The following CRYL1 variants were observed in gnomAD, a reference collection of about 807,000 sequenced individuals.
CRYL1 encodes the protein lambda-crystallin homolog.
Under a neutral mutation model 36.6 loss-of-function variants are expected in CRYL1, and 29 were observed. That is an observed-to-expected ratio of 0.79 (90% confidence interval 0.59 to 1.08). The LOEUF (loss-of-function observed/expected upper bound fraction) is 1.08. Among genes scored for constraint, CRYL1 ranks in the 50% least tolerant of loss-of-function variants. The pLI is 0.00. For missense variants in CRYL1, 411 were observed against 407.9 expected (o/e 1.01, Z -0.06); for synonymous variants, 152 against 151.5 (o/e 1.00, Z -0.02).
At position 20,449,456 on chromosome 13, in the gene CRYL1, A is replaced by T. The variant is rs565998492; in HGVS notation, c.277-9702T>A. 3.9e-5 allele frequency among the ~76,000 whole-genome samples: 6 copies of T among 152,340 alleles called. No individual in the cohort carries two copies. The East Asian group carries it at 1.2e-3, about 29-fold the overall frequency. ...AATAGAACCATAAAAATGTTCCATTAACACAAAAGCAGAAAAAAGAAATAA... is the reference window on the plus strand; with the variant it reads ...AATAGAACCATAAAAATGTTCCATTTACACAAAAGCAGAAAAAAGAAATAA... On this transcript the variant is annotated intron_variant, in intron 3 of 7. Coordinates refer to ENST00000298248, the MANE Select transcript of CRYL1 (RefSeq NM_015974.3).
intron 1 of CRYL1, among the ~76,000 whole-genome samples, chr13:20,524,241 TGCGCGTGCGC>T (rs763421803): frequency 1.5e-4 from 23 of 152,354 alleles, no homozygotes; most frequent in Non-Finnish European, 2.9e-4. Context: ...TGTGTGTGTG[TGCGCGTGCGC>T]GCACGCATGC....
intron 5 of CRYL1, among the ~76,000 whole-genome samples, chr13:20,416,021 C>T (rs1057326482): frequency 1.3e-5 from 2 of 152,196 alleles, no homozygotes; most frequent in Non-Finnish European, 2.9e-5. Context: ...GCACAGGGCC[C>T]GGGCCGCGGC....
chr13:20,427,793 G>A (rs1251199793), intron 5 of CRYL1, among the ~76,000 whole-genome samples: 1 of 140,472 alleles, frequency 7.1e-6, no homozygotes, highest in Non-Finnish European at 1.6e-5. Flanking sequence ...AACAAAGACA[G>A]AAAGAGAACA....
chr13:20,510,611 CTTTTT>C (rs56145129), intron 2 of CRYL1, among the ~76,000 whole-genome samples: 6 of 134,096 alleles, frequency 4.5e-5, no homozygotes, highest in South Asian at 2.5e-4. Context: ...CCAAGTGAAT[CTTTTT>C]TTTTTTTTTT....
In CRYL1 at chr13:20,415,978, G is replaced by C. The variant is rs557021630; in HGVS notation, c.634-2591C>G. 6.6e-6 allele frequency among the ~76,000 whole-genome samples: 1 copy of C among 152,184 alleles called. No individual in the cohort carries two copies. Among genetic ancestry groups the C allele is most frequent in the African/African-American group, 2.4e-5 (1 of 41,452 alleles). On this transcript the variant is annotated intron_variant, in intron 5 of 7. Transcript: ENST00000298248. The surrounding 1 kb of genome is among the most constrained non-coding windows in gnomAD (Gnocchi z 4.1). ...CGGCCATGAGCCTTTGGCTAGTCTG[G>C]GGCTCCTGTGAGCAGGGCAGCCAGG...
chr13:20,421,246 T>C (rs930369803), intron 5 of CRYL1, among the ~76,000 whole-genome samples: 1 of 152,120 alleles, frequency 6.6e-6, no homozygotes, highest in Non-Finnish European at 1.5e-5. Context: ...AGGGAAAGCC[T>C]CGACTTTTAC....
intron 5 of CRYL1, among the ~76,000 whole-genome samples, chr13:20,422,634 G>A (rs1411471514): frequency 6.6e-6 from 1 of 152,228 alleles, no homozygotes; most frequent in Non-Finnish European, 1.5e-5. Flanking sequence ...CATAGAGGAG[G>A]AGAAAGCTTT....
intron 6 of CRYL1, among the ~76,000 whole-genome samples, chr13:20,412,172 G>A (rs1018513144): frequency 3.3e-5 from 5 of 151,904 alleles, no homozygotes; most frequent in Admixed American, 2.6e-4. Flanking sequence ...ATCAGCTCCT[G>A]TTACTAGGAA....
In CRYL1 at chr13:20,444,984, C is replaced by T. The variant is rs545405119; in HGVS notation, c.277-5230G>A. Among the ~76,000 whole-genome samples the T allele has an allele frequency of 3.3e-5, 5 of 152,266 alleles. No homozygotes were observed. The South Asian group carries it at 1.0e-3, about 32-fold the overall frequency. The stretch of plus-strand genomic sequence containing the variant: ...CCACCCGCCTCAGCTTCCCAAAGTG[C>T]CAGAATTACAGGAGTGAGCCTGTAA... On this transcript the variant is annotated intron_variant, in intron 3 of 7. Coordinates refer to ENST00000298248, the MANE Select transcript of CRYL1 (RefSeq NM_015974.3).
rs1398957796 is a variant in CRYL1, at chr13:20,508,570, GGT to G, written c.149+3871_149+3872del. ...TGCCTTTTAAAAACATTTTGGGCTG[GGT>G]GCAGTGGCTCACGCCTGTAATCCCA... On this transcript the variant is annotated intron_variant, in intron 2 of 7. Coordinates refer to ENST00000298248, the MANE Select transcript of CRYL1 (RefSeq NM_015974.3). Among the ~76,000 whole-genome samples the G allele has an allele frequency of 3.3e-3, 497 of 152,122 alleles. 2 individuals are homozygous for G. Among genetic ancestry groups the G allele is most frequent in the African/African-American group, 0.012 (481 of 41,480 alleles).
In CRYL1 at chr13:20,481,715, A is replaced by G. The variant is rs1324658871; in HGVS notation, c.276+7655T>C. Reference sequence around the variant, plus strand: ...CACCTGAGGTCAGGAGTTCAAGACCAGCCTGGCCAACATGATGAAACCCCG... The same window carrying G: ...CACCTGAGGTCAGGAGTTCAAGACCGGCCTGGCCAACATGATGAAACCCCG... On this transcript the variant is annotated intron_variant, in intron 3 of 7. Transcript: ENST00000298248. The surrounding 1 kb of genome is among the most constrained non-coding windows in gnomAD (Gnocchi z 4.1). 2.0e-5 allele frequency among the ~76,000 whole-genome samples: 3 copies of G among 152,154 alleles called. No individual in the cohort carries two copies. The highest frequency in any genetic ancestry group is 4.4e-5 in the Non-Finnish European group (3 of 68,022).
At chr13:20,427,159 C>T in intron 5 of CRYL1, 1 of 985,442 alleles carries the variant, frequency 1.0e-6, no homozygotes, top group Non-Finnish European at 1.2e-6. Context: ...AAAATGTAGA[C>T]TTGAAATGAC....
At chr13:20,444,603 T>C (rs1009031790) in intron 3 of CRYL1, among the ~76,000 whole-genome samples, 8 of 149,390 alleles carry the variant, frequency 5.4e-5, no homozygotes, top group African/African-American at 1.7e-4. Flanking sequence ...TTTAGAATTG[T>C]GTTAAAATGC....
In CRYL1 at chr13:20,415,795, C is replaced by T. The variant is rs183952196; in HGVS notation, c.634-2408G>A. Among the ~76,000 whole-genome samples, 3 of 152,358 alleles carry T rather than the reference C, an allele frequency of 2.0e-5. No individual in the cohort carries two copies. Among genetic ancestry groups the T allele is most frequent in the Admixed American group, 2.0e-4 (3 of 15,308 alleles). ...CGCCCGTGTTCACATTCCTCAGCTGCAGCGTTTGCTGCTGGCCCATTTCTA... is the reference window on the plus strand; with the variant it reads ...CGCCCGTGTTCACATTCCTCAGCTGTAGCGTTTGCTGCTGGCCCATTTCTA... On this transcript the variant is annotated intron_variant, in intron 5 of 7. Transcript: ENST00000298248. This position sits in a 1 kb window ranked among gnomAD's most constrained non-coding sequence, Gnocchi z 4.1.
intron 3 of CRYL1, among the ~76,000 whole-genome samples, chr13:20,465,003 A>G (rs569445737): frequency 1.3e-3 from 169 of 131,538 alleles, no homozygotes; most frequent in African/African-American, 3.7e-3. Flanking sequence ...CCTTTAGTCA[A>G]CTAAAAAGAT....
At chr13:20,432,660 C>T (rs2032097490) in intron 4 of CRYL1, among the ~76,000 whole-genome samples, 1 of 152,118 alleles carries the variant, frequency 6.6e-6, no homozygotes. Flanking sequence ...CCACCACCCC[C>T]CAGAATCATG....
At chr13:20,499,922 AT>A (rs2033674991) in intron 2 of CRYL1, among the ~76,000 whole-genome samples, 1 of 152,114 alleles carries the variant, frequency 6.6e-6, no homozygotes, top group Non-Finnish European at 1.5e-5. Flanking sequence ...TTTTGTGTTG[AT>A]TCTTCACAAA....
chr13:20,488,658 C>G (rs189526496), intron 3 of CRYL1, among the ~76,000 whole-genome samples: 67 of 152,326 alleles, frequency 4.4e-4, no homozygotes, highest in Non-Finnish European at 5.1e-4. Context: ...AGGAAAGATA[C>G]TGGGAATAAT....
At chr13:20,446,930 G>A (rs946946154) in intron 3 of CRYL1, among the ~76,000 whole-genome samples, 6 of 152,174 alleles carry the variant, frequency 3.9e-5, no homozygotes, top group African/African-American at 1.4e-4. Context: ...CATTTGTGGT[G>A]AAACCACTTT....
Sources: gnomAD v4.1 joint callset for allele counts (sites outside exome capture counted in the v4.1 genomes callset) on GRCh38, gnomAD v4.1.1 for gene constraint, Gnocchi (gnomAD v3.1) non-coding constraint, MANE v1.5 for transcripts, NCBI Gene and HGNC (gene_info 2026-07-23, HGNC 2026-07-21) for gene names.